The following STX7 variants were observed in gnomAD, a reference collection of about 807,000 sequenced individuals.
STX7 encodes syntaxin 7.
In STX7, 34 loss-of-function variants were observed where a neutral mutation model predicts 39.6. The ratio of observed to expected loss-of-function variants is 0.86; its 90% CI spans 0.65 to 1.14. The LOEUF is 1.14. Ranked by LOEUF, STX7 falls within the 50% of genes most tolerant of loss-of-function variation. The pLI, the probability that STX7 is intolerant of heterozygous loss-of-function variation, is 0.00. For synonymous variants in STX7, 119 were observed against 99.1 expected (o/e 1.20, Z -1.19); for missense variants, 284 against 310.4 (o/e 0.92, Z 0.64).
At position 132,453,798 on chromosome 6, in the gene STX7, T is replaced by A. The variant is rs1774189597; in HGVS notation, c.*6960A>T. 6.6e-6 allele frequency: 1 copy of A among 151,932 alleles called. No homozygotes were observed. The highest frequency in any genetic ancestry group is 2.1e-4 in the South Asian group (1 of 4,822). The allele number at this position is 151,932 out of a possible 1,614,324, so 9.4% of individuals were successfully genotyped here. ...ACACCACCAAATGCTGAAAAGGACA[T>A]GAAGCAACTAGATCACTCATACACC... On this transcript the variant is annotated 3_prime_UTR_variant, in exon 10 of 10. Coordinates refer to ENST00000367941, the MANE Select transcript of STX7 (RefSeq NM_003569.3).
rs559355095 is a variant in STX7 at position 132,470,076 on chromosome 6, A to C, written c.441-29T>G. Reference sequence around the variant, plus strand: ...ACAGAAAAAAATGAATGTGGAAAAAAACAAAGATTGGTATTCAAAACAATG... The same window carrying C: ...ACAGAAAAAAATGAATGTGGAAAAACACAAAGATTGGTATTCAAAACAATG... On this transcript the variant is annotated intron_variant, in intron 6 of 9. Coordinates refer to ENST00000367941, the MANE Select transcript of STX7 (RefSeq NM_003569.3). The C allele has an allele frequency of 2.0e-6, 3 of 1,525,356 alleles. No individual in the cohort carries two copies. The African/African-American group carries it at 4.3e-5, about 22-fold the overall frequency. 94.5% of individuals were successfully genotyped at this position (1,525,356 alleles called of 1,614,324 possible).
Position 132,471,495 on chromosome 6 carries a change from C to T in STX7, c.355G>A (p.Val119Ile), listed in dbSNP as rs748444335. 5.0e-6 allele frequency: 8 copies of T among 1,613,990 alleles called. No homozygotes were observed. The East Asian group carries it at 1.8e-4, about 36-fold the overall frequency. ...RQAAEREKEF[V>I]ARVRASSRVS... The stretch of plus-strand genomic sequence containing the variant: ...CTGGAACTGGCTCTTACTCGAGCAA[C>T]AAACTCTTTCTCTCGCTCAGCAGCC... The change falls in exon 5 of 10, where the codon GTT becomes ATT. Residue 119 changes from valine (V) to isoleucine (I), a missense_variant. Val to Ile is a conservative substitution (Grantham distance 29). Transcript: ENST00000367941.
chr6:132,474,869 C>T (rs193226081), intron 3 of STX7, among the ~76,000 whole-genome samples: 3 of 152,068 alleles, frequency 2.0e-5, no homozygotes, highest in South Asian at 2.1e-4. Flanking sequence ...TTTTTTTAAA[C>T]GGAAGCTAAT....
intron 2 of STX7, among the ~76,000 whole-genome samples, chr6:132,478,557 A>T (rs910420418): frequency 2.0e-5 from 3 of 152,208 alleles, no homozygotes; most frequent in African/African-American, 7.2e-5. Flanking sequence ...CCTGGGAATT[A>T]CTCAGAAATG....
chr6:132,472,783 C>T (rs796369848), intron 3 of STX7, among the ~76,000 whole-genome samples: 5 of 152,070 alleles, frequency 3.3e-5, no homozygotes, highest in African/African-American at 1.2e-4. Context: ...TAGACTTTGC[C>T]CAGTTCCCAG....
chr6:132,490,544 G>A (rs867913764), intron 2 of STX7, among the ~76,000 whole-genome samples: 2 of 152,142 alleles, frequency 1.3e-5, no homozygotes, highest in African/African-American at 4.8e-5. Context: ...CACAAAATGT[G>A]TAAATATGAC....
At position 132,448,107 on chromosome 6, in the gene STX7, TAA is replaced by T. The variant is rs1282315315; in HGVS notation, c.*12649_*12650del. ...TCATTCATTATCTTAACTTCCATCCTAAAGAGTATCAGGATCTTGGAGCACTC... is the reference window on the plus strand; with the variant it reads ...TCATTCATTATCTTAACTTCCATCCTAGAGTATCAGGATCTTGGAGCACTC... On this transcript the variant is annotated 3_prime_UTR_variant, in exon 10 of 10. Transcript: ENST00000367941. 6.6e-6 allele frequency: 1 copy of T among 152,212 alleles called. No homozygotes were observed. The highest frequency in any genetic ancestry group is 2.4e-5 in the African/African-American group (1 of 41,464). 9.4% of individuals were successfully genotyped at this position (152,212 alleles called of 1,614,324 possible).
rs1441987248 is a variant in STX7 at position 132,458,372 on chromosome 6, T to C, written c.*2386A>G. The C allele has an allele frequency of 6.6e-6, 1 of 152,248 alleles. No homozygotes were observed. The highest frequency in any genetic ancestry group is 2.4e-5 in the African/African-American group (1 of 41,456). 9.4% of individuals were successfully genotyped at this position (152,248 alleles called of 1,614,324 possible). The stretch of plus-strand genomic sequence containing the variant: ...TAGTATCAATATGACATCACTCTTT[T>C]ACCATCAATCATATTGCAAAACCAT... On this transcript the variant is annotated 3_prime_UTR_variant, in exon 10 of 10. Coordinates refer to ENST00000367941, the MANE Select transcript of STX7 (RefSeq NM_003569.3).
In STX7 at chr6:132,446,928, A is replaced by G. The variant is rs899352254; in HGVS notation, c.*13830T>C. 7 of 152,180 alleles carry G rather than the reference A, an allele frequency of 4.6e-5. No individual in the cohort carries two copies. Among genetic ancestry groups the G allele is most frequent in the Non-Finnish European group, 7.4e-5 (5 of 68,024 alleles). The allele number at this position is 152,180 out of a possible 1,614,324, so 9.4% of individuals were successfully genotyped here. On this transcript the variant is annotated 3_prime_UTR_variant, in exon 10 of 10. Transcript: ENST00000367941. ...CAATTCCATCCAAAGCCAATAGAAG[A>G]GAGACAGTACTCTAAAAGAAGGCCT...
intron 9 of STX7, among the ~76,000 whole-genome samples, chr6:132,461,452 G>A (rs141253003): frequency 0.029 from 4,392 of 151,986 alleles, 200 homozygotes; most frequent in African/African-American, 0.1. Context: ...GATTACAGGC[G>A]CGTGCCACCA....
intron 1 of STX7, among the ~76,000 whole-genome samples, chr6:132,503,878 C>A (rs534567302): frequency 5.3e-5 from 8 of 152,314 alleles, no homozygotes; most frequent in African/African-American, 1.7e-4. Context: ...AAATCCCTTA[C>A]CTGTATATAA....
At position 132,454,299 on chromosome 6, in the gene STX7, G is replaced by A. The variant is rs1365240247; in HGVS notation, c.*6459C>T. 2 of 152,016 alleles carry A rather than the reference G, an allele frequency of 1.3e-5. No homozygotes were observed. The highest frequency in any genetic ancestry group is 4.8e-5 in the African/African-American group (2 of 41,406). 9.4% of individuals were successfully genotyped at this position (152,016 alleles called of 1,614,324 possible). On this transcript the variant is annotated 3_prime_UTR_variant, in exon 10 of 10. Coordinates refer to ENST00000367941, the MANE Select transcript of STX7 (RefSeq NM_003569.3). ...TTAAGAAGGGAGTAGGGATGGGAGT[G>A]AAGTGGGTATGGTCATCAAAAGCAA... is the stretch of plus-strand genomic sequence containing the variant.
chr6:132,510,908 G>A (rs919359396), intron 1 of STX7, among the ~76,000 whole-genome samples: 2 of 152,144 alleles, frequency 1.3e-5, no homozygotes, highest in African/African-American at 4.8e-5. Context: ...GTTAAAATCC[G>A]ATATACTGTA....
intron 2 of STX7, among the ~76,000 whole-genome samples, chr6:132,495,002 AAGATTTACACTT>A (rs1775388572): frequency 6.6e-6 from 1 of 152,138 alleles, no homozygotes; most frequent in East Asian, 1.9e-4. Flanking sequence ...TAGAACCACT[AAGATTTACACTT>A]AGATTAAACA....
intron 2 of STX7, among the ~76,000 whole-genome samples, chr6:132,484,847 T>C (rs767252343): frequency 2.6e-5 from 4 of 152,128 alleles, no homozygotes; most frequent in Admixed American, 6.5e-5. Flanking sequence ...CAAGCTATAA[T>C]TGCTTCAACA....
chr6:132,497,123 T>A (rs1775437896), intron 2 of STX7, among the ~76,000 whole-genome samples: 2 of 152,118 alleles, frequency 1.3e-5, no homozygotes, highest in Non-Finnish European at 2.9e-5. Context: ...CATATAAGAA[T>A]GTTCTGGGAA....
At chr6:132,512,876 C>G (rs750699194) in intron 1 of STX7, 131 bp downstream of exon 1, 6 of 152,242 alleles carry the variant, frequency 3.9e-5, no homozygotes, top group Non-Finnish European at 7.3e-5. Context: ...CCTAGCCTCC[C>G]GAGTGCCTGC....
intron 1 of STX7, among the ~76,000 whole-genome samples, chr6:132,505,124 G>C (rs1208341980): frequency 1.3e-5 from 2 of 152,174 alleles, no homozygotes; most frequent in East Asian, 3.8e-4. Flanking sequence ...CAATTAAGTG[G>C]CATTATTCTT....
In STX7 at chr6:132,454,617, T is replaced by G. The variant is rs183384587; in HGVS notation, c.*6141A>C. ...ATACCATTCCAAAGGAAAGTATTGG[T>G]CACATACTCCATTCTAGATTTAAAG... On this transcript the variant is annotated 3_prime_UTR_variant, in exon 10 of 10. Coordinates refer to ENST00000367941, the MANE Select transcript of STX7 (RefSeq NM_003569.3). 6.6e-6 allele frequency: 1 copy of G among 152,270 alleles called. No homozygotes were observed. The highest frequency in any genetic ancestry group is 6.5e-5 in the Admixed American group (1 of 15,294). The allele number at this position is 152,270 out of a possible 1,614,324, so 9.4% of individuals were successfully genotyped here.
Sources: allele counts gnomAD v4.1 joint callset (sites outside exome capture counted in the v4.1 genomes callset), GRCh38; gene constraint gnomAD v4.1.1; transcripts MANE v1.5; gene names NCBI Gene and HGNC (gene_info 2026-07-23, HGNC 2026-07-21).